JMJD1C: variants seen among roughly 807,000 people sequenced by gnomAD.
The protein encoded by JMJD1C is jumonji domain containing 1C, also known as jumonji domain-containing protein 1C.
Under a neutral mutation model 245.3 loss-of-function variants are expected in JMJD1C, and 31 were observed. The ratio of observed to expected loss-of-function variants is 0.13; its 90% CI spans 0.09 to 0.17. JMJD1C has a LOEUF of 0.17. JMJD1C is among the 10% of genes least tolerant of loss of function. The probability of loss-of-function intolerance (pLI) is 1.00; values close to 1 mark genes in which losing one functional copy is unlikely to be tolerated. For missense variants in JMJD1C, 2,691 were observed against 3,000.2 expected, an observed-to-expected ratio of 0.90 and a Z score of 2.41; for synonymous variants, 1,057 against 1,017.4, an observed-to-expected ratio of 1.04 and a Z score of -0.74.
chr10:63,302,803 C>G (rs1390025216), intron 2 of JMJD1C, among the ~76,000 whole-genome samples: 4 of 152,178 alleles, frequency 2.6e-5, no homozygotes, highest in African/African-American at 9.7e-5. Context: ...AAATTATGGC[C>G]TCTTAAAAAG....
chr10:63,466,620 G>A (rs1589804316), upstream of JMJD1C: 1 of 152,108 alleles, frequency 6.6e-6, no homozygotes, highest in East Asian at 1.9e-4. Flanking sequence ...CCTTGTCAAC[G>A]TCCTGAAATT....
intron 1 of JMJD1C, chr10:63,465,233 G>C: frequency 4.9e-6 from 2 of 404,942 alleles, no homozygotes; most frequent in Non-Finnish European, 8.7e-6. Flanking sequence ...AGCCGCGGTC[G>C]ACCCCTCCGG....
At chr10:63,427,818 T>G in intron 1 of JMJD1C, 1 of 1,111,762 alleles carries the variant, frequency 9.0e-7, no homozygotes, top group East Asian at 2.4e-5. Context: ...GCAAGGCCCC[T>G]TCTAAAACAC....
At chr10:63,295,516 T>C (rs559860360) in intron 2 of JMJD1C, among the ~76,000 whole-genome samples, 56 of 152,290 alleles carry the variant, frequency 3.7e-4, no homozygotes, top group Non-Finnish European at 6.0e-4. Context: ...TATGATTCTA[T>C]ATAGGCTCAC....
At chr10:63,252,090 G>A (rs76275089) in intron 3 of JMJD1C, among the ~76,000 whole-genome samples, 5,606 of 152,276 alleles carry the variant, frequency 0.037, 329 homozygotes, top group East Asian at 0.29. Flanking sequence ...AATAAAGGCT[G>A]AAAGGGGATG....
chr10:63,168,235 C>A, intron 25 of JMJD1C, 101 bp from the exon 26 acceptor site: 2 of 1,050,780 alleles, frequency 1.9e-6, no homozygotes, highest in Non-Finnish European at 1.4e-6. Context: ...ACTAGGAAAG[C>A]CAAATATAAG....
chr10:63,193,832 A>G (rs184747022), intron 14 of JMJD1C, among the ~76,000 whole-genome samples: 2,018 of 152,112 alleles, frequency 0.013, 30 homozygotes, highest in African/African-American at 0.034. Flanking sequence ...ACGCCCGGCT[A>G]ATTTTTTGTA....
At chr10:63,482,849 T>C (rs1235909955) in intron 1 of JMJD1C, among the ~76,000 whole-genome samples, 3 of 152,162 alleles carry the variant, frequency 2.0e-5, no homozygotes, top group Non-Finnish European at 4.4e-5. Flanking sequence ...GCATAGAACA[T>C]AGTTGAGCAA....
chr10:63,278,360 TA>T, intron 2 of JMJD1C, among the ~76,000 whole-genome samples: 1 of 149,364 alleles, frequency 6.7e-6, no homozygotes, highest in East Asian at 2.0e-4. Context: ...ATAATAATAA[TA>T]ATAATAATAA....
At chr10:63,315,292 T>C (rs1939827900) in intron 2 of JMJD1C, among the ~76,000 whole-genome samples, 1 of 152,158 alleles carries the variant, frequency 6.6e-6, no homozygotes, top group Admixed American at 6.5e-5. Flanking sequence ...TAGCAGTCCC[T>C]AGTGTGTACT....
chr10:63,495,647 C>T (rs371391813), intron 1 of JMJD1C, among the ~76,000 whole-genome samples: 27 of 151,866 alleles, frequency 1.8e-4, no homozygotes, highest in African/African-American at 5.8e-4. Flanking sequence ...GTGGCAGGCA[C>T]CTGTAATCCC....
At chr10:63,315,595 T>C (rs1939896438) in intron 2 of JMJD1C, among the ~76,000 whole-genome samples, 1 of 152,046 alleles carries the variant, frequency 6.6e-6, no homozygotes, top group African/African-American at 2.4e-5. Context: ...TCCCAGCACT[T>C]TGGGAGGCCG....
intron 2 of JMJD1C, among the ~76,000 whole-genome samples, chr10:63,298,682 ATC>A (rs1859717354): frequency 6.6e-6 from 1 of 152,192 alleles, no homozygotes. Flanking sequence ...CCCGTAACAT[ATC>A]TATTTAAGAT....
intron 1 of JMJD1C, among the ~76,000 whole-genome samples, chr10:63,393,439 G>A (rs896169988): frequency 6.6e-6 from 1 of 152,090 alleles, no homozygotes; most frequent in Non-Finnish European, 1.5e-5. Context: ...ACTGTTGACG[G>A]GAATATAAAT....
At chr10:63,479,191 T>TGA (rs1009100446) in intron 1 of JMJD1C, among the ~76,000 whole-genome samples, 1 of 151,704 alleles carries the variant, frequency 6.6e-6, no homozygotes, top group African/African-American at 2.4e-5. Context: ...TCAAACTTAA[T>TGA]GAGAGAGAGA....
intron 1 of JMJD1C, among the ~76,000 whole-genome samples, chr10:63,474,555 A>G (rs1160579177): frequency 2.0e-5 from 3 of 151,954 alleles, no homozygotes; most frequent in Non-Finnish European, 2.9e-5. Flanking sequence ...GGCTCAAGCA[A>G]TCCTCCTGCC....
intron 2 of JMJD1C, among the ~76,000 whole-genome samples, chr10:63,273,916 A>G (rs1856553532): frequency 6.6e-6 from 1 of 152,208 alleles, no homozygotes; most frequent in Non-Finnish European, 1.5e-5. Flanking sequence ...TTTAGGAGTT[A>G]AAATAAACAA....
At position 63,418,587 on chromosome 10, in the gene JMJD1C, C is replaced by A. The variant is rs1224103728; in HGVS notation, c.169-38105G>T. 2.0e-5 allele frequency among the ~76,000 whole-genome samples: 3 copies of A among 152,166 alleles called. No homozygotes were observed. The East Asian group carries it at 5.8e-4, about 29-fold the overall frequency. ...CCAAAACCAGTTAATATTTTCTATG[C>A]ACTTATGTATCAGACATTATCAGGT... On this transcript the variant is annotated intron_variant, in intron 1 of 25. Transcript: ENST00000399262.
intron 1 of JMJD1C, among the ~76,000 whole-genome samples, chr10:63,492,208 T>A (rs757337915): frequency 5.9e-5 from 9 of 152,176 alleles, no homozygotes; most frequent in Non-Finnish European, 1.0e-4. Context: ...TAATTTTTTG[T>A]ATTTTTTGTA....
Sources: gnomAD v4.1 joint callset for allele counts (sites outside exome capture counted in the v4.1 genomes callset) on GRCh38, gnomAD v4.1.1 for gene constraint, MANE v1.5 for transcripts, NCBI Gene and HGNC (gene_info 2026-07-23, HGNC 2026-07-21) for gene names.